The following GALNTL6 variants were observed in gnomAD, a reference collection of about 807,000 sequenced individuals.
GALNTL6 encodes polypeptide N-acetylgalactosaminyltransferase-like 6.
Under a neutral mutation model 73.7 loss-of-function variants are expected in GALNTL6, and 46 were observed. The ratio of observed to expected loss-of-function variants is 0.62; its 90% CI spans 0.49 to 0.80. The LOEUF (loss-of-function observed/expected upper bound fraction) is 0.80. Among genes scored for constraint, GALNTL6 ranks in the 30% least tolerant of loss-of-function variants. The probability of loss-of-function intolerance (pLI) is 0.00; values close to 1 mark genes in which losing one functional copy is unlikely to be tolerated. For missense variants in GALNTL6, 604 were observed against 755.0 expected (o/e 0.80, Z 2.34); for synonymous variants, 259 against 263.7 (o/e 0.98, Z 0.17).
chr4:172,013,239 T>C (rs577246733), intron 2 of GALNTL6, among the ~76,000 whole-genome samples: 2 of 152,148 alleles, frequency 1.3e-5, no homozygotes, highest in African/African-American at 4.8e-5. Flanking sequence ...TTGTTAATTA[T>C]AGTCATCCTA....
intron 2 of GALNTL6, among the ~76,000 whole-genome samples, chr4:171,884,935 T>C (rs111384161): frequency 2.6e-5 from 4 of 151,888 alleles, no homozygotes; most frequent in African/African-American, 4.8e-5. Flanking sequence ...TGGGTGTCTG[T>C]AATCCCAGCT....
At chr4:172,385,023 TTTTTG>T (rs1743413376) in intron 5 of GALNTL6, among the ~76,000 whole-genome samples, 1 of 138,800 alleles carries the variant, frequency 7.2e-6, no homozygotes. Flanking sequence ...TTGTTTTGTT[TTTTTG>T]TTTTTTTTTT....
At chr4:172,378,939 G>A (rs1211593242) in intron 5 of GALNTL6, among the ~76,000 whole-genome samples, 1 of 152,134 alleles carries the variant, frequency 6.6e-6, no homozygotes, top group Non-Finnish European at 1.5e-5. Context: ...GAAGGAATAA[G>A]TCTAAGATAT....
intron 2 of GALNTL6, among the ~76,000 whole-genome samples, chr4:171,884,600 C>A (rs1446918476): frequency 6.6e-6 from 1 of 151,652 alleles, no homozygotes; most frequent in Non-Finnish European, 1.5e-5. Flanking sequence ...ATATTCATTT[C>A]AAATTATATA....
chr4:172,004,843 T>C (rs1740785955), intron 2 of GALNTL6, among the ~76,000 whole-genome samples: 1 of 151,940 alleles, frequency 6.6e-6, no homozygotes, highest in Non-Finnish European at 1.5e-5. Context: ...TTTTTTTTTG[T>C]TTCTTGGAAA....
chr4:171,828,273 G>A (rs947273872), intron 2 of GALNTL6, among the ~76,000 whole-genome samples: 1 of 152,164 alleles, frequency 6.6e-6, no homozygotes. Context: ...CTAATCACTT[G>A]GAGAAGTGAG....
At chr4:172,084,960 C>T (rs1240475485) in intron 2 of GALNTL6, among the ~76,000 whole-genome samples, 2 of 152,074 alleles carry the variant, frequency 1.3e-5, no homozygotes, top group Non-Finnish European at 2.9e-5. Flanking sequence ...ATTTAAATTT[C>T]AACAAGATAT....
At chr4:172,604,025 C>T (rs1017111520) in intron 5 of GALNTL6, among the ~76,000 whole-genome samples, 3 of 152,232 alleles carry the variant, frequency 2.0e-5, no homozygotes, top group Admixed American at 6.5e-5. Flanking sequence ...AGTATAAGTG[C>T]GTTATTAGTA....
intron 5 of GALNTL6, among the ~76,000 whole-genome samples, chr4:172,368,258 G>A (rs1372099439): frequency 6.6e-6 from 1 of 152,066 alleles, no homozygotes; most frequent in East Asian, 1.9e-4. Context: ...GTGTGTGCCT[G>A]TAATCCCAGC....
rs370541903 is a variant in GALNTL6 at position 172,578,132 on chromosome 4, T to C, written c.553+229443T>C. Among the ~76,000 whole-genome samples the C allele has an allele frequency of 3.9e-5, 6 of 152,318 alleles. No individual in the cohort carries two copies. The East Asian group carries it at 7.7e-4, about 20-fold the overall frequency. Reference sequence around the variant, plus strand: ...TCATGTAAAAAATTTCCTGCCCTTATTCAATATCATATGTGGTAAAAATTG... The same window carrying C: ...TCATGTAAAAAATTTCCTGCCCTTACTCAATATCATATGTGGTAAAAATTG... On this transcript the variant is annotated intron_variant, in intron 5 of 12. Transcript: ENST00000506823.
At chr4:172,614,191 G>A (rs1315306082) in intron 5 of GALNTL6, among the ~76,000 whole-genome samples, 1 of 151,512 alleles carries the variant, frequency 6.6e-6, no homozygotes, top group Non-Finnish European at 1.5e-5. Flanking sequence ...TCTCTCAATC[G>A]CTCTTGTGTT....
chr4:172,454,319 C>G (rs1440456387), intron 5 of GALNTL6, among the ~76,000 whole-genome samples: 1 of 152,176 alleles, frequency 6.6e-6, no homozygotes, highest in Non-Finnish European at 1.5e-5. Flanking sequence ...CAGCTTCAGT[C>G]CCGTTGATAA....
At chr4:172,484,203 C>T (rs1733593992) in intron 5 of GALNTL6, among the ~76,000 whole-genome samples, 1 of 152,086 alleles carries the variant, frequency 6.6e-6, no homozygotes, top group Non-Finnish European at 1.5e-5. Flanking sequence ...TAGATAGTCT[C>T]GCACCAGATT....
At chr4:172,245,233 A>G (rs1179508456) in intron 3 of GALNTL6, among the ~76,000 whole-genome samples, 2 of 152,092 alleles carry the variant, frequency 1.3e-5, no homozygotes, top group East Asian at 3.9e-4. Flanking sequence ...GTAAATTTGT[A>G]TTTTCTACCA....
At chr4:172,325,325 A>G (rs1175049090) in intron 4 of GALNTL6, among the ~76,000 whole-genome samples, 1 of 151,954 alleles carries the variant, frequency 6.6e-6, no homozygotes, top group Non-Finnish European at 1.5e-5. Flanking sequence ...AAAACATTAA[A>G]TTTGTAATTA....
chr4:172,960,218 G>A (rs1486230067), intron 10 of GALNTL6, among the ~76,000 whole-genome samples: 7 of 152,142 alleles, frequency 4.6e-5, no homozygotes, highest in Non-Finnish European at 4.4e-5. Context: ...TATATTCGAC[G>A]AAAAAGAGCC....
intron 3 of GALNTL6, among the ~76,000 whole-genome samples, chr4:172,272,300 C>T (rs955728784): frequency 1.3e-5 from 2 of 152,174 alleles, no homozygotes; most frequent in Non-Finnish European, 2.9e-5. Context: ...TTAGTACAGT[C>T]ATGCTTTGCT....
At chr4:172,869,905 A>G (rs73870307) in intron 7 of GALNTL6, among the ~76,000 whole-genome samples, 11,301 of 152,206 alleles carry the variant, frequency 0.074, 605 homozygotes, top group African/African-American at 0.14. Context: ...AGACTCATCC[A>G]AAGAGACAAA....
intron 5 of GALNTL6, among the ~76,000 whole-genome samples, chr4:172,656,641 G>T (rs1731034791): frequency 6.6e-6 from 1 of 152,172 alleles, no homozygotes; most frequent in South Asian, 2.1e-4. Context: ...TTATTAAGCT[G>T]CTTAGTTCAG....
Sources: gnomAD v4.1 joint callset for allele counts (sites outside exome capture counted in the v4.1 genomes callset) on GRCh38, gnomAD v4.1.1 for gene constraint, MANE v1.5 for transcripts, NCBI Gene and HGNC (gene_info 2026-07-23, HGNC 2026-07-21) for gene names.